The following COL9A1 variants were observed in gnomAD, a reference collection of about 807,000 sequenced individuals.
The protein encoded by COL9A1 is collagen type IX alpha 1 chain.
COL9A1 carries 104 observed loss-of-function variants against 142.6 expected under a neutral mutation model. That is an observed-to-expected ratio of 0.73 (90% CI 0.62 to 0.86). The LOEUF is 0.86. COL9A1 is among the 40% of genes least tolerant of loss of function. COL9A1 has a pLI of 0.00. For missense variants in COL9A1, 1,210 were observed against 1,176.6 expected (o/e 1.03, Z -0.42); for synonymous variants, 466 against 396.0 (o/e 1.18, Z -2.10).
intron 33 of COL9A1, among the ~76,000 whole-genome samples, chr6:70,236,112 C>CAAAAAAAA (rs368419095): frequency 2.0e-5 from 1 of 49,028 alleles, no homozygotes; most frequent in Non-Finnish European, 3.2e-5. Context: ...GACTCCATCT[C>CAAAAAAAA]AAAAAAAAAA....
At chr6:70,291,400 C>T (rs1322068941) in intron 5 of COL9A1, among the ~76,000 whole-genome samples, 1 of 152,130 alleles carries the variant, frequency 6.6e-6, no homozygotes, top group Non-Finnish European at 1.5e-5. Flanking sequence ...CTGGCCCCCA[C>T]TCTCATGCCT....
Position 70,302,895 on chromosome 6 carries a change from A to T in COL9A1, c.14+16T>A, listed in dbSNP as rs1451586696. 1.2e-6 allele frequency: 2 copies of T among 1,613,694 alleles called. No homozygotes were observed. Reference sequence around the variant, plus strand: ...GCTCCATCTCCCCACCACTCTTTCCAGGGTTATTGTCTTACCAGCAGGTCT... The same window carrying T: ...GCTCCATCTCCCCACCACTCTTTCCTGGGTTATTGTCTTACCAGCAGGTCT... On this transcript the variant is annotated intron_variant, in intron 1 of 37. Coordinates refer to ENST00000357250, the MANE Select transcript of COL9A1 (RefSeq NM_001851.6).
intron 2 of COL9A1, among the ~76,000 whole-genome samples, 170 bp downstream of exon 2, chr6:70,301,831 T>C (rs998332433): frequency 2.0e-5 from 3 of 152,172 alleles, no homozygotes; most frequent in Non-Finnish European, 1.5e-5. Flanking sequence ...ATACCCAGCA[T>C]TGACCATGGA....
intron 21 of COL9A1, 120 bp downstream of exon 21, chr6:70,256,648 A>C (rs1771314663): frequency 1.4e-6 from 1 of 707,118 alleles, no homozygotes; most frequent in African/African-American, 1.8e-5. Flanking sequence ...AAACATATAT[A>C]TATAAATTGT....
At chr6:70,259,876 G>A (rs570741360) in intron 20 of COL9A1, among the ~76,000 whole-genome samples, 1 of 152,234 alleles carries the variant, frequency 6.6e-6, no homozygotes, top group South Asian at 2.1e-4. Context: ...CTAAGGGCAG[G>A]CTAGTGTCCT....
chr6:70,277,844 C>A (rs956383175), intron 10 of COL9A1, among the ~76,000 whole-genome samples: 1 of 152,078 alleles, frequency 6.6e-6, no homozygotes, highest in Non-Finnish European at 1.5e-5. Context: ...GAGCAGAAGA[C>A]GAAATGATTC....
At position 70,255,175 on chromosome 6, in the gene COL9A1, C is replaced by T. The variant is rs1771199378; in HGVS notation, c.1586G>A (p.Gly529Asp). The T allele has an allele frequency of 2.5e-6, 4 of 1,614,094 alleles. No homozygotes were observed. The highest frequency in any genetic ancestry group is 3.4e-6 in the Non-Finnish European group (4 of 1,180,000). ...RGAEGARGIP[G>D]LPGPKGDTGL... ...CGTGTCTCCTTTGGGCCCAGGGAGA[C>T]CAGGAATTCCTCTAGCACCTTCAGC... The change falls in exon 23 of 38, where the codon GGT (glycine) becomes GAT (aspartate). Residue 529 changes from glycine (G) to aspartate (D), a missense_variant. Coordinates refer to ENST00000357250, the MANE Select transcript of COL9A1 (RefSeq NM_001851.6).
At chr6:70,283,564 G>A (rs551592336) in intron 6 of COL9A1, among the ~76,000 whole-genome samples, 173 bp downstream of exon 6, 2 of 152,230 alleles carry the variant, frequency 1.3e-5, no homozygotes, top group African/African-American at 2.4e-5. Context: ...CAGGTCGAAA[G>A]TATGAAGTGT....
chr6:70,288,345 C>G (rs111427249), intron 5 of COL9A1, among the ~76,000 whole-genome samples: 164 of 152,292 alleles, frequency 1.1e-3, no homozygotes, highest in African/African-American at 3.2e-3. Context: ...TGGTCTAAAC[C>G]AAGGCTGTCT....
intron 28 of COL9A1, among the ~76,000 whole-genome samples, chr6:70,249,883 T>G (rs1379944452): frequency 6.6e-6 from 1 of 152,166 alleles, no homozygotes; most frequent in Non-Finnish European, 1.5e-5. Flanking sequence ...CTCCATGTCA[T>G]GTTTTGTATT....
At chr6:70,280,224 C>A (rs982022495) in intron 10 of COL9A1, 23 of 1,041,716 alleles carry the variant, frequency 2.2e-5, no homozygotes, top group Non-Finnish European at 2.8e-5. Context: ...GTAATGCCAG[C>A]CAGAAAAACT....
chr6:70,256,701 C>A, intron 21 of COL9A1, 67 bp downstream of exon 21: 2 of 1,312,352 alleles, frequency 1.5e-6, no homozygotes, highest in Non-Finnish European at 1.1e-6. Context: ...CAATACTGCA[C>A]ACACATGCAT....
In COL9A1 at chr6:70,294,395, T is replaced by G. The variant is rs535866098; in HGVS notation, c.468A>C (p.Ser156=). 4 of 1,614,128 alleles carry G rather than the reference T, an allele frequency of 2.5e-6. No individual in the cohort carries two copies. Among genetic ancestry groups the G allele is most frequent in the East Asian group, 2.2e-5 (1 of 44,878 alleles). ...INGQTQSVVF[S]YKGLDGSLQT... ...GGAGACTTCCATCCAGTCCCTTGTA[T>G]GAAAATACAACAGATTGTGTTTGGC... The change falls in exon 5 of 38, where the codon TCA becomes TCC. Residue 156 remains serine (S), a synonymous_variant. Coordinates refer to ENST00000357250, the MANE Select transcript of COL9A1 (RefSeq NM_001851.6).
In COL9A1 at chr6:70,256,792, C is replaced by T. The variant is rs777071257; in HGVS notation, c.1479G>A (p.Gly493=). ...KGARGLDGEP[G]PQGLPGAPGD... ...CAGGTGCACCAGGAAGACCCTGAGG[C>T]CCAGGTTCACCATCTAAGCCCCGAG... Residue 493 remains glycine (G), a synonymous_variant, in exon 21 of 38, where the codon GGG becomes GGA. Transcript: ENST00000357250. The T allele has an allele frequency of 3.1e-6, 5 of 1,613,152 alleles. No homozygotes were observed. In the South Asian group the frequency reaches 4.4e-5, roughly 14 times the overall value.
chr6:70,302,483 C>T (rs1006793772), intron 1 of COL9A1, among the ~76,000 whole-genome samples: 1 of 152,104 alleles, frequency 6.6e-6, no homozygotes, highest in Non-Finnish European at 1.5e-5. Context: ...GCTGGGATTA[C>T]AAGCATAAGC....
chr6:70,261,318 CG>C (rs1562310590), intron 19 of COL9A1, among the ~76,000 whole-genome samples: 1 of 151,938 alleles, frequency 6.6e-6, no homozygotes, highest in African/African-American at 2.4e-5. Context: ...AAATGAGGGG[CG>C]GGGTGTGATT....
chr6:70,277,423 A>G (rs543674622), intron 10 of COL9A1, among the ~76,000 whole-genome samples: 181 of 152,280 alleles, frequency 1.2e-3, no homozygotes, highest in Non-Finnish European at 2.2e-3. Context: ...ATACATACAT[A>G]ATTTTCAAAA....
intron 15 of COL9A1, among the ~76,000 whole-genome samples, chr6:70,269,884 G>C (rs1434328666): frequency 6.6e-6 from 1 of 152,112 alleles, no homozygotes. Flanking sequence ...ACATTGAAGG[G>C]AAACGAAATA....
intron 37 of COL9A1, among the ~76,000 whole-genome samples, chr6:70,222,044 A>C (rs976737243): frequency 6.6e-6 from 1 of 152,246 alleles, no homozygotes; most frequent in Admixed American, 6.5e-5. Context: ...ATGATTAGAC[A>C]GCCAGCCAAT....
Sources: allele counts gnomAD v4.1 joint callset (sites outside exome capture counted in the v4.1 genomes callset), GRCh38; gene constraint gnomAD v4.1.1; transcripts MANE v1.5; gene names NCBI Gene and HGNC (gene_info 2026-07-23, HGNC 2026-07-21).